CSF2RA: variants seen among roughly 807,000 people sequenced by gnomAD.
CSF2RA encodes the protein granulocyte-macrophage colony-stimulating factor receptor subunit alpha.
In CSF2RA, 42 loss-of-function variants were observed where a neutral mutation model predicts 51.6. That is an observed-to-expected ratio of 0.81 (90% CI 0.64 to 1.05). The LOEUF is 1.05. CSF2RA is among the 50% of genes least tolerant of loss of function. The pLI, the probability that CSF2RA is intolerant of heterozygous loss-of-function variation, is 0.00. For missense variants in CSF2RA, 530 were observed against 501.1 expected (o/e 1.06, Z -0.55); for synonymous variants, 222 against 193.0 (o/e 1.15, Z -1.24).
intron 2 of CSF2RA, among the ~76,000 whole-genome samples, chrX:1,275,347 C>T (rs1269102707): frequency 1.4e-4 from 21 of 151,294 alleles, no homozygotes; most frequent in African/African-American, 4.8e-4. Flanking sequence ...GCCAAGATCG[C>T]GCCACTGCAC....
At chrX:1,269,930 A>C (rs1215087901) in intron 1 of CSF2RA, among the ~76,000 whole-genome samples, 1 of 152,062 alleles carries the variant, frequency 6.6e-6, no homozygotes, top group Non-Finnish European at 1.5e-5. Context: ...CAACATGGCA[A>C]AACCACACCT....
chrX:1,286,452 C>A (rs1187104476), intron 4 of CSF2RA, among the ~76,000 whole-genome samples: 1 of 137,210 alleles, frequency 7.3e-6, no homozygotes, highest in Non-Finnish European at 1.6e-5. Context: ...ATCTGTAATC[C>A]CAGCTACTCG....
chrX:1,279,893 G>A (rs766762646), intron 2 of CSF2RA, among the ~76,000 whole-genome samples: 7 of 151,814 alleles, frequency 4.6e-5, no homozygotes, highest in Non-Finnish European at 4.4e-5. Flanking sequence ...GGGTTCAAGC[G>A]ATTCTCCTGC....
the CSF2RA span, among the ~76,000 whole-genome samples, chrX:1,324,516 A>G: frequency 0.64 from 80,365 of 125,432 alleles, 27,480 homozygotes; most frequent in Middle Eastern, 0.76. Flanking sequence ...GAGGAGGGAA[A>G]GAAGGAAGGG....
At chrX:1,286,725 C>G (rs1420474759) in intron 4 of CSF2RA, among the ~76,000 whole-genome samples, 1 of 152,172 alleles carries the variant, frequency 6.6e-6, no homozygotes, top group Non-Finnish European at 1.5e-5. Context: ...GTACCAGAGC[C>G]TGATTCCCTG....
intron 6 of CSF2RA, among the ~76,000 whole-genome samples, chrX:1,289,509 CTTGTT>C (rs1376952521): frequency 1.0e-4 from 15 of 150,634 alleles, no homozygotes; most frequent in East Asian, 4.0e-4. Flanking sequence ...TTTTTGTGTT[CTTGTT>C]TTGTTTTGTG....
the CSF2RA span, among the ~76,000 whole-genome samples, chrX:1,319,298 CT>C: frequency 2.8e-5 from 4 of 144,042 alleles, 1 homozygote; most frequent in Admixed American, 2.8e-4. Context: ...GCCCGGCCTC[CT>C]TTTTAAATTT....
the CSF2RA span, among the ~76,000 whole-genome samples, chrX:1,324,070 A>G: frequency 6.6e-6 from 1 of 151,772 alleles, no homozygotes; most frequent in African/African-American, 2.4e-5. Context: ...CTGTTGCCCT[A>G]GCTACTGGGG....
At chrX:1,319,479 G>A in the CSF2RA span, among the ~76,000 whole-genome samples, 2 of 148,486 alleles carry the variant, frequency 1.3e-5, no homozygotes, top group East Asian at 4.0e-4. Flanking sequence ...GTACAGACGG[G>A]GTCTCACTAT....
downstream of CSF2RA, among the ~76,000 whole-genome samples, chrX:1,314,877 A>G (rs868182544): frequency 9.5e-3 from 641 of 67,382 alleles, 119 homozygotes; most frequent in Middle Eastern, 0.021. Flanking sequence ...ACCGCACTGC[A>G]CCTGCCCAAC....
intron 10 of CSF2RA, among the ~76,000 whole-genome samples, chrX:1,302,376 G>T (rs2083079826): frequency 6.6e-6 from 1 of 151,984 alleles, no homozygotes; most frequent in South Asian, 2.1e-4. Context: ...GAAAAATTGT[G>T]AGCTGCAGTG....
chrX:1,306,602 G>A (rs1251647463), intron 12 of CSF2RA, among the ~76,000 whole-genome samples: 58 of 151,880 alleles, frequency 3.8e-4, no homozygotes, highest in African/African-American at 1.3e-3. Flanking sequence ...AGCCGAGATC[G>A]CACCATTGCA....
At chrX:1,272,922 A>C (rs1330764359) in intron 1 of CSF2RA, among the ~76,000 whole-genome samples, 2 of 145,970 alleles carry the variant, frequency 1.4e-5, no homozygotes, top group Non-Finnish European at 3.0e-5. Context: ...AAGGTCAAGC[A>C]ATTCTCCTGC....
At chrX:1,300,393 A>T in intron 9 of CSF2RA, 98 bp from the exon 10 acceptor site, 1 of 1,420,356 alleles carries the variant, frequency 7.0e-7, no homozygotes. Context: ...GAAAAAAAGA[A>T]AAGGAGAAAA....
At chrX:1,308,129 TCTTTTC>T (rs1422782916) in intron 12 of CSF2RA, among the ~76,000 whole-genome samples, 100 of 152,136 alleles carry the variant, frequency 6.6e-4, no homozygotes, top group Non-Finnish European at 9.7e-4. Flanking sequence ...CAGTCCAATC[TCTTTTC>T]CTGGAAATCA....
intron 12 of CSF2RA, chrX:1,305,887 C>T (rs1285209473): frequency 7.8e-6 from 9 of 1,152,150 alleles, no homozygotes; most frequent in East Asian, 2.6e-5. Context: ...TCGAGACCAG[C>T]CTGGCCAACG....
intron 9 of CSF2RA, among the ~76,000 whole-genome samples, chrX:1,296,076 C>T (rs1366971226): frequency 6.6e-6 from 1 of 150,688 alleles, no homozygotes. Flanking sequence ...TACCCATGAG[C>T]CCTGGCATAA....
At chrX:1,289,495 T>A (rs1410948480) in intron 6 of CSF2RA, among the ~76,000 whole-genome samples, 1 of 152,158 alleles carries the variant, frequency 6.6e-6, no homozygotes, top group African/African-American at 2.4e-5. Flanking sequence ...TGTTTTGCCT[T>A]GTGTTTTTGT....
chrX:1,279,329 G>A (rs764297211), intron 2 of CSF2RA, among the ~76,000 whole-genome samples: 5 of 151,296 alleles, frequency 3.3e-5, no homozygotes, highest in East Asian at 1.9e-4. Context: ...CAGCCTGGGC[G>A]ACAGAGCAAG....
Sources: allele counts gnomAD v4.1 joint callset (sites outside exome capture counted in the v4.1 genomes callset), GRCh38; gene constraint gnomAD v4.1.1; transcripts MANE v1.5; gene names NCBI Gene and HGNC (gene_info 2026-07-23, HGNC 2026-07-21).